The following PIEZO2 variants were observed in gnomAD, a reference collection of about 807,000 sequenced individuals.
PIEZO2 encodes the protein piezo-type mechanosensitive ion channel component 2.
In PIEZO2, 172 loss-of-function variants were observed where a neutral mutation model predicts 337.3. The observed-to-expected ratio is 0.51, with a 90% CI of 0.45 to 0.58. The LOEUF is 0.58. Among genes scored for constraint, PIEZO2 ranks in the 20% least tolerant of loss-of-function variants. The pLI is 0.00. For synonymous variants in PIEZO2, 1,251 were observed against 1,228.5 expected, an observed-to-expected ratio of 1.02 and a Z score of -0.38; for missense variants, 3,028 against 3,391.3, an observed-to-expected ratio of 0.89 and a Z score of 2.66.
chr18:10,777,874 A>G (rs2038843925), intron 18 of PIEZO2, among the ~76,000 whole-genome samples: 1 of 152,234 alleles, frequency 6.6e-6, no homozygotes, highest in Admixed American at 6.5e-5. Context: ...AGAAGATTGT[A>G]TTCACATATA....
intron 2 of PIEZO2, among the ~76,000 whole-genome samples, chr18:11,051,895 C>T (rs2037549690): frequency 6.6e-6 from 1 of 152,156 alleles, no homozygotes; most frequent in African/African-American, 2.4e-5. Context: ...GGTAGGACCT[C>T]TGTGGACAAC....
At position 10,800,331 on chromosome 18, in the gene PIEZO2, T is replaced by C. The variant is rs1480100477; in HGVS notation, c.1378+6A>G. ...ATGCGACCCTGAGTGCAGGGCTGGC[T>C]CCTACCTGAGGATTCATCAGAGGGC... On this transcript the variant is annotated splice_donor_region_variant and intron_variant, in intron 11 of 55. Coordinates refer to ENST00000674853, the MANE Select transcript of PIEZO2 (RefSeq NM_001378183.1). 6.5e-7 allele frequency: 1 copy of C among 1,533,714 alleles called. No individual in the cohort carries two copies. Among genetic ancestry groups the C allele is most frequent in the Non-Finnish European group, 8.7e-7 (1 of 1,145,330 alleles).
chr18:10,728,845 C>T (rs1415328372), intron 36 of PIEZO2, among the ~76,000 whole-genome samples: 1 of 149,862 alleles, frequency 6.7e-6, no homozygotes, highest in Admixed American at 6.7e-5. Context: ...GTCCCAGCTA[C>T]GTGGGAGGCT....
At chr18:10,990,089 G>A (rs537246246) in intron 2 of PIEZO2, among the ~76,000 whole-genome samples, 2 of 152,206 alleles carry the variant, frequency 1.3e-5, no homozygotes, top group African/African-American at 4.8e-5. Flanking sequence ...TGGTGAACAT[G>A]TATCTTGAAA....
chr18:10,978,086 G>T (rs1267637303), intron 3 of PIEZO2, among the ~76,000 whole-genome samples: 3 of 152,136 alleles, frequency 2.0e-5, no homozygotes, highest in Non-Finnish European at 4.4e-5. Flanking sequence ...ACTTTGGGAG[G>T]CCGAGGCAGG....
At chr18:11,044,182 C>T (rs934308517) in intron 2 of PIEZO2, among the ~76,000 whole-genome samples, 5 of 149,176 alleles carry the variant, frequency 3.4e-5, no homozygotes, top group Non-Finnish European at 7.4e-5. Flanking sequence ...TACACACACA[C>T]ACTAATATAA....
Position 11,104,475 on chromosome 18 carries a change from C to CA in PIEZO2, c.65-38254_65-38253insT. ...AGCAGAGATCAATGAACGCAGCTGC[C>CA]CTTCTCTCTAGGGGTGGGGCAGGGA... On this transcript the variant is annotated intron_variant, in intron 1 of 55. Transcript: ENST00000674853. The surrounding 1 kb of genome is among the most constrained non-coding windows in gnomAD (Gnocchi z 4.6). Among the ~76,000 whole-genome samples the CA allele has an allele frequency of 6.6e-6, 1 of 152,132 alleles. No individual in the cohort carries two copies. Among genetic ancestry groups the CA allele is most frequent in the East Asian group, 1.9e-4 (1 of 5,184 alleles).
At chr18:10,909,973 A>G (rs2030313013) in intron 4 of PIEZO2, among the ~76,000 whole-genome samples, 1 of 152,228 alleles carries the variant, frequency 6.6e-6, no homozygotes, top group Admixed American at 6.5e-5. Context: ...CAAGTGGCAA[A>G]GAAACTGCTA....
intron 18 of PIEZO2, among the ~76,000 whole-genome samples, chr18:10,777,165 C>G (rs1301315246): frequency 6.6e-6 from 1 of 152,198 alleles, no homozygotes; most frequent in East Asian, 1.9e-4. Context: ...TTAGGGTTTT[C>G]TTTAACATTA....
rs1209625015 is a variant in PIEZO2 at position 11,111,640 on chromosome 18, C to G, written c.64+36885G>C. Among the ~76,000 whole-genome samples the G allele has an allele frequency of 1.3e-5, 2 of 152,140 alleles. No individual in the cohort carries two copies. The highest frequency in any genetic ancestry group is 4.8e-5 in the African/African-American group (2 of 41,430). Reference sequence around the variant, plus strand: ...CCAGTTCTTCTCCTGCCACCCCCAACTTCCTCTCTCCTGTGCTCACATGAC... The same window carrying G: ...CCAGTTCTTCTCCTGCCACCCCCAAGTTCCTCTCTCCTGTGCTCACATGAC... On this transcript the variant is annotated intron_variant, in intron 1 of 55. Transcript: ENST00000674853. This position sits in a 1 kb window ranked among gnomAD's most constrained non-coding sequence, Gnocchi z 6.2.
At chr18:10,851,660 A>G (rs1401478755) in intron 7 of PIEZO2, among the ~76,000 whole-genome samples, 1 of 152,182 alleles carries the variant, frequency 6.6e-6, no homozygotes. Flanking sequence ...ACATTTTTAA[A>G]TGGTTGGGGA....
rs1043081389 is a variant in PIEZO2, at chr18:10,727,522, T to C, written c.5029+3885A>G. 6.6e-6 allele frequency: 1 copy of C among 152,394 alleles called. No individual in the cohort carries two copies. The highest frequency in any genetic ancestry group is 2.4e-5 in the African/African-American group (1 of 41,414). The allele number at this position is 152,394 out of a possible 1,614,324, so 9.4% of individuals were successfully genotyped here. A position where few individuals can be genotyped will look rare whatever the true frequency, so the allele number is the denominator to read the frequency against. ...GTCATGTATTTATTCCATATTTATA[T>C]GATCTACTTCCTGTGGCTGGGAGCA... is the stretch of plus-strand genomic sequence containing the variant. On this transcript the variant is annotated intron_variant, in intron 36 of 55. Coordinates refer to ENST00000674853, the MANE Select transcript of PIEZO2 (RefSeq NM_001378183.1). This position sits in a 1 kb window ranked among gnomAD's most constrained non-coding sequence, Gnocchi z 6.3.
intron 2 of PIEZO2, among the ~76,000 whole-genome samples, chr18:10,987,927 A>G (rs976578189): frequency 1.3e-5 from 2 of 152,204 alleles, no homozygotes; most frequent in African/African-American, 2.4e-5. Flanking sequence ...ACTAGCAGAT[A>G]TACAAAGAAC....
At chr18:11,051,206 C>T (rs12605391) in intron 2 of PIEZO2, among the ~76,000 whole-genome samples, 36,262 of 151,948 alleles carry the variant, frequency 0.24, 5,250 homozygotes, top group Non-Finnish European at 0.33. Flanking sequence ...GGGGTTTTGT[C>T]CTCATCTATT....
chr18:10,675,122 T>A, intron 54 of PIEZO2, 87 bp downstream of exon 54: 2 of 912,064 alleles, frequency 2.2e-6, no homozygotes, highest in South Asian at 3.2e-5. Flanking sequence ...TAGAAAGTGG[T>A]TTCATGAAGG....
chr18:10,688,723 T>G (rs987407378), intron 49 of PIEZO2, among the ~76,000 whole-genome samples: 1 of 152,216 alleles, frequency 6.6e-6, no homozygotes, highest in Admixed American at 6.5e-5. Flanking sequence ...CTATTTTTTT[T>G]CTACTTTAGA....
At chr18:11,138,634 G>A (rs1159291440) in intron 1 of PIEZO2, among the ~76,000 whole-genome samples, 1 of 152,210 alleles carries the variant, frequency 6.6e-6, no homozygotes, top group Non-Finnish European at 1.5e-5. Flanking sequence ...GTATATTGAG[G>A]AGTAAGTTCC....
intron 2 of PIEZO2, among the ~76,000 whole-genome samples, chr18:11,055,262 G>A (rs951415625): frequency 9.4e-5 from 14 of 148,478 alleles, no homozygotes; most frequent in Admixed American, 2.7e-4. Flanking sequence ...GGGCAGGGTC[G>A]CCCCACAGAG....
intron 2 of PIEZO2, among the ~76,000 whole-genome samples, chr18:10,999,512 T>C (rs1457325808): frequency 6.6e-6 from 1 of 152,194 alleles, no homozygotes; most frequent in African/African-American, 2.4e-5. Flanking sequence ...ACCATTTGCA[T>C]TGTATTTATA....
Sources: allele counts gnomAD v4.1 joint callset (sites outside exome capture counted in the v4.1 genomes callset), GRCh38; gene constraint gnomAD v4.1.1; non-coding constraint Gnocchi (gnomAD v3.1); transcripts MANE v1.5; gene names NCBI Gene and HGNC (gene_info 2026-07-23, HGNC 2026-07-21).